Variants in NUMB observed in about 807,000 individuals in gnomAD.
NUMB encodes the protein NUMB endocytic adaptor protein, also known as protein numb homolog.
A neutral mutation model predicts 59.7 loss-of-function variants in NUMB; 29 were observed. The ratio of observed to expected loss-of-function variants is 0.49; its 90% CI spans 0.36 to 0.66. NUMB has a LOEUF of 0.66. Among genes scored for constraint, NUMB ranks in the 30% least tolerant of loss-of-function variants. The pLI is 0.00. For synonymous variants in NUMB, 288 were observed against 288.2 expected, an observed-to-expected ratio of 1.00 and a Z score of 0.01; for missense variants, 723 against 822.0, an observed-to-expected ratio of 0.88 and a Z score of 1.47.
rs1273230862 is a variant in NUMB at position 73,292,819 on chromosome 14, T to C, written c.365A>G (p.Asn122Ser). 1.2e-6 allele frequency: 2 copies of C among 1,614,216 alleles called. No homozygotes were observed. The highest frequency in any genetic ancestry group is 1.7e-6 in the Non-Finnish European group (2 of 1,180,028). Residue 122 changes from asparagine (N) to serine (S), a missense_variant, in exon 8 of 13, where the codon AAC (asparagine) becomes AGC (serine). Physicochemically the swap from Asn to Ser is conservative, Grantham distance 46. Transcript: ENST00000555238. ...TATGTAAGAAAAGGCTCTATCAAAGTTCCTGTCTGGGGCACAGAAAGAAAC... is the reference window on the plus strand; with the variant it reads ...TATGTAAGAAAAGGCTCTATCAAAGCTCCTGTCTGGGGCACAGAAAGAAAC... The part of the protein sequence containing the change: ...EKVSFCAPDR[N>S]FDRAFSYICR...
intron 1 of NUMB, among the ~76,000 whole-genome samples, chr14:73,412,532 C>T (rs61324101): frequency 6.6e-6 from 1 of 150,444 alleles, no homozygotes; most frequent in Non-Finnish European, 1.5e-5. Context: ...GAGGCTGAGG[C>T]AGGAGAATGG....
intron 2 of NUMB, among the ~76,000 whole-genome samples, chr14:73,389,098 T>TAAAAAAA (rs71112747): frequency 1.0e-5 from 1 of 95,756 alleles, no homozygotes; most frequent in Non-Finnish European, 2.0e-5. Context: ...GACTCTGCCT[T>TAAAAAAA]AAAAAAAAAA....
At chr14:73,293,307 C>G (rs544091885) in intron 7 of NUMB, among the ~76,000 whole-genome samples, 2 of 151,622 alleles carry the variant, frequency 1.3e-5, no homozygotes, top group African/African-American at 4.8e-5. Context: ...CTGCACCTTG[C>G]TTTTTTACAT....
chr14:73,384,792 G>T (rs1468424507), intron 2 of NUMB, among the ~76,000 whole-genome samples: 1 of 151,676 alleles, frequency 6.6e-6, no homozygotes, highest in Non-Finnish European at 1.5e-5. Context: ...TGCCTAGGCT[G>T]GTCTTGAACT....
At chr14:73,350,877 T>C (rs1893213259) in intron 4 of NUMB, among the ~76,000 whole-genome samples, 1 of 152,194 alleles carries the variant, frequency 6.6e-6, no homozygotes, top group Non-Finnish European at 1.5e-5. Flanking sequence ...TCTCTTCATC[T>C]TCACAGTCAC....
intron 4 of NUMB, among the ~76,000 whole-genome samples, chr14:73,329,146 G>A (rs762874071): frequency 6.6e-6 from 1 of 152,220 alleles, no homozygotes; most frequent in Admixed American, 6.5e-5. Flanking sequence ...GGGATTACAG[G>A]CATGAGCCCC....
chr14:73,400,904 T>C (rs1001485632), intron 2 of NUMB, among the ~76,000 whole-genome samples: 3 of 152,224 alleles, frequency 2.0e-5, no homozygotes, highest in Non-Finnish European at 4.4e-5. Flanking sequence ...CCCTTTATGA[T>C]AACCCAATAA....
At chr14:73,452,591 A>G (rs1196018913) in intron 1 of NUMB, among the ~76,000 whole-genome samples, 1 of 152,118 alleles carries the variant, frequency 6.6e-6, no homozygotes, top group Non-Finnish European at 1.5e-5. Flanking sequence ...AGAGAGGGGG[A>G]AGTCACTGAA....
chr14:73,427,979 G>T (rs1342521236), intron 1 of NUMB, among the ~76,000 whole-genome samples: 1 of 152,140 alleles, frequency 6.6e-6, no homozygotes, highest in Non-Finnish European at 1.5e-5. Context: ...AAAGAAAAGT[G>T]TCTTTATAAC....
chr14:73,303,339 G>T (rs962738591), intron 6 of NUMB, among the ~76,000 whole-genome samples: 5 of 152,154 alleles, frequency 3.3e-5, no homozygotes, highest in Non-Finnish European at 4.4e-5. Flanking sequence ...CAGCACTTTG[G>T]GAGGCCAGGG....
chr14:73,372,311 A>ATATATATAAC (rs1894722678), intron 2 of NUMB, among the ~76,000 whole-genome samples: 1 of 93,716 alleles, frequency 1.1e-5, no homozygotes, highest in South Asian at 3.4e-4. Flanking sequence ...TCTTTTATAT[A>ATATATATAAC]TATATATATA....
chr14:73,357,688 G>A (rs558856923), intron 3 of NUMB, among the ~76,000 whole-genome samples: 10 of 152,086 alleles, frequency 6.6e-5, no homozygotes, highest in Admixed American at 3.3e-4. Flanking sequence ...GCTTGAACCC[G>A]GGAGGCGGAG....
At chr14:73,417,360 A>G (rs191619085) in intron 1 of NUMB, among the ~76,000 whole-genome samples, 2 of 152,208 alleles carry the variant, frequency 1.3e-5, no homozygotes, top group African/African-American at 4.8e-5. Context: ...CTGGAGCCCA[A>G]AAGCACTCTC....
At chr14:73,414,162 G>T (rs185568022) in intron 1 of NUMB, among the ~76,000 whole-genome samples, 1 of 151,970 alleles carries the variant, frequency 6.6e-6, no homozygotes, top group African/African-American at 2.4e-5. Flanking sequence ...TCACCATGTT[G>T]GCCAGGCTGG....
At chr14:73,419,301 G>GAGATTGAGA (rs1897257524) in intron 1 of NUMB, among the ~76,000 whole-genome samples, 2 of 152,106 alleles carry the variant, frequency 1.3e-5, no homozygotes, top group Admixed American at 1.3e-4. Context: ...ACAAGATCAG[G>GAGATTGAGA]AGATTGAGAC....
intron 6 of NUMB, among the ~76,000 whole-genome samples, chr14:73,306,253 T>C (rs2139872189): frequency 6.6e-6 from 1 of 152,272 alleles, no homozygotes; most frequent in Middle Eastern, 3.4e-3. Flanking sequence ...AACTACACAG[T>C]AAAGGAGAGA....
Position 73,282,432 on chromosome 14 carries a change from A to G in NUMB, c.1023T>C (p.Pro341=), listed in dbSNP as rs1888692334. 3.1e-6 allele frequency: 5 copies of G among 1,614,204 alleles called. No individual in the cohort carries two copies. The highest frequency in any genetic ancestry group is 4.2e-6 in the Non-Finnish European group (5 of 1,180,038). ...TCGGAGCAGATGAGAAGGGGTCCTCAGGTGTGCTGAAGGCATTGGTGATCT... is the reference window on the plus strand; with the variant it reads ...TCGGAGCAGATGAGAAGGGGTCCTCGGGTGTGCTGAAGGCATTGGTGATCT... ...CSQITNAFST[P]EDPFSSAPMT... Residue 341 remains proline, a synonymous_variant, in exon 11 of 13, where the codon CCT becomes CCC. Coordinates refer to ENST00000555238, the MANE Select transcript of NUMB (RefSeq NM_001005743.2).
chr14:73,413,874 C>A (rs1437124817), intron 1 of NUMB, among the ~76,000 whole-genome samples: 1 of 152,052 alleles, frequency 6.6e-6, no homozygotes, highest in African/African-American at 2.4e-5. Flanking sequence ...TTTAAAAGCC[C>A]ACAAACCAAT....
chr14:73,301,999 C>T (rs1890158712), intron 6 of NUMB, among the ~76,000 whole-genome samples: 1 of 152,036 alleles, frequency 6.6e-6, no homozygotes, highest in South Asian at 2.1e-4. Context: ...AGGAGAATTG[C>T]TTGAACCTGG....
Sources: allele counts gnomAD v4.1 joint callset (sites outside exome capture counted in the v4.1 genomes callset), GRCh38; gene constraint gnomAD v4.1.1; transcripts MANE v1.5; gene names NCBI Gene and HGNC (gene_info 2026-07-23, HGNC 2026-07-21).